Variants in ZIC4 observed in about 807,000 individuals in gnomAD.
The protein encoded by ZIC4 is zinc finger protein ZIC 4.
A neutral mutation model predicts 28.8 loss-of-function variants in ZIC4; 15 were observed. The ratio of observed to expected loss-of-function variants is 0.52; its 90% CI spans 0.35 to 0.80. ZIC4 has a LOEUF of 0.80. Among genes scored for constraint, ZIC4 ranks in the 30% least tolerant of loss-of-function variants. The pLI is 0.01. For synonymous variants in ZIC4, 220 were observed against 198.1 expected, an observed-to-expected ratio of 1.11 and a Z score of -0.93; for missense variants, 512 against 467.1, an observed-to-expected ratio of 1.10 and a Z score of -0.89.
In ZIC4 at chr3:147,391,075, A is replaced by G. The variant is rs2086907065; in HGVS notation, c.860T>C (p.Val287Ala). Residue 287 changes from valine (V) to alanine (A), a missense_variant, in exon 4 of 5, where the codon GTG becomes GCG. Val to Ala is a moderately conservative substitution (Grantham distance 64, BLOSUM62 0). Coordinates refer to ENST00000383075, the MANE Select transcript of ZIC4 (RefSeq NM_032153.6). ...HPSSLRKHMKVHGRSPPPSSG... is the reference protein window; with the variant it reads ...HPSSLRKHMKAHGRSPPPSSG... ...GCTGGGCGGCGGCGAGCGCCCGTGC[A>G]CCTTCATGTGCTTACGCAGCGAGCT... 1.2e-6 allele frequency: 2 copies of G among 1,613,900 alleles called. No individual in the cohort carries two copies. Among genetic ancestry groups the G allele is most frequent in the African/African-American group, 2.7e-5 (2 of 74,952 alleles).
chr3:147,402,657 T>TAA, intron 2 of ZIC4, 71 bp downstream of exon 2: 454 of 1,122,760 alleles, frequency 4.0e-4, no homozygotes, highest in South Asian at 8.7e-4. Context: ...ACTTCCTACT[T>TAA]AAAAAAAAAA....
intron 1 of ZIC4, chr3:147,405,549 G>T: frequency 2.1e-6 from 3 of 1,446,682 alleles, no homozygotes; most frequent in Non-Finnish European, 2.8e-6. Context: ...CTCCTCATTG[G>T]CCCCTAATTT....
chr3:147,391,196 T>G lies in ZIC4; in HGVS notation c.739A>C (p.Asn247His). 1.9e-6 allele frequency: 3 copies of G among 1,607,786 alleles called. No homozygotes were observed. Among genetic ancestry groups the G allele is most frequent in the Non-Finnish European group, 2.6e-6 (3 of 1,175,094 alleles). Reference protein sequence around the residue: ...EFEGCERRFANSSDRKKHSHV... With the variant: ...EFEGCERRFAHSSDRKKHSHV... ...GAATGCTTCTTACGGTCGCTGCTGT[T>G]GGCGAAGCGCCGCTCGCAGCCCTCG... is the stretch of plus-strand genomic sequence containing the variant. Residue 247 changes from asparagine (N) to histidine (H), a missense_variant, in exon 4 of 5, where the codon AAC becomes CAC. Asn to His is a moderately conservative substitution (Grantham distance 68). This residue lies in a region of ZIC4 where 58 missense variants were observed against 93.8 expected (regional missense o/e 0.62). Transcript: ENST00000383075.
At chr3:147,393,884 C>T (rs2086981594) in intron 3 of ZIC4, 1 of 456,686 alleles carries the variant, frequency 2.2e-6, no homozygotes, top group South Asian at 1.5e-5. Context: ...GCTGTGACCG[C>T]CACAAAGTGA....
At chr3:147,404,160 T>G (rs1383537564) in intron 1 of ZIC4, 3 of 1,523,204 alleles carry the variant, frequency 2.0e-6, no homozygotes, top group Non-Finnish European at 2.6e-6. Context: ...AAAGTCCTGG[T>G]TGGTTGGCAA....
At position 147,386,651 on chromosome 3, in the gene ZIC4, C is replaced by T. The variant is rs1444134163; in HGVS notation, c.*2208G>A. 1 of 152,272 alleles carries T rather than the reference C, an allele frequency of 6.6e-6. No homozygotes were observed. Among genetic ancestry groups the T allele is most frequent in the Non-Finnish European group, 1.5e-5 (1 of 68,028 alleles). 9.4% of individuals were successfully genotyped at this position (152,272 alleles called of 1,614,324 possible). On this transcript the variant is annotated 3_prime_UTR_variant, in exon 5 of 5. Transcript: ENST00000383075. ...CACAGGAGTTTTGGGGAAACCTGAA[C>T]TGGGTGAAAGTTTCTTTGCTGGGCA...
chr3:147,392,273 C>T, intron 3 of ZIC4: 1 of 985,840 alleles, frequency 1.0e-6, no homozygotes, highest in South Asian at 4.7e-5. Context: ...CCAGGCCTGG[C>T]TCCGCAGCCC....
At chr3:147,400,637 A>G (rs1292448602) in intron 2 of ZIC4, among the ~76,000 whole-genome samples, 1 of 152,232 alleles carries the variant, frequency 6.6e-6, no homozygotes, top group Admixed American at 6.5e-5. Context: ...ATTTCCCCAG[A>G]GACAGCAATA....
chr3:147,405,573 G>A (rs2087257343), intron 1 of ZIC4: 7 of 1,241,608 alleles, frequency 5.6e-6, no homozygotes, highest in African/African-American at 3.0e-5. Context: ...ATGCCCCTGG[G>A]TCTAGGCTAG....
chr3:147,391,206 C>T lies in ZIC4; in HGVS notation c.729G>A (p.Arg243=). 6.2e-7 allele frequency: 1 copy of T among 1,605,180 alleles called. No homozygotes were observed. Among genetic ancestry groups the T allele is most frequent in the Non-Finnish European group, 8.5e-7 (1 of 1,173,210 alleles). The part of the protein sequence containing the change: ...PFRCEFEGCE[R]RFANSSDRKK... ...TACGGTCGCTGCTGTTGGCGAAGCG[C>T]CGCTCGCAGCCCTCGAACTCGCATC... The change falls in exon 4 of 5, where the codon CGG becomes CGA. Residue 243 remains arginine, a synonymous_variant. Coordinates refer to ENST00000383075, the MANE Select transcript of ZIC4 (RefSeq NM_032153.6).
Position 147,393,644 on chromosome 3 carries a change from T to G in ZIC4, c.688+2208A>C, listed in dbSNP as rs546606801. On this transcript the variant is annotated intron_variant, in intron 3 of 4. Transcript: ENST00000383075. ...TCGGGCTAGCTGGGCCAGCGCCATTTTCTCGCACTTGTGGCTGGATCTGGT... is the reference window on the plus strand; with the variant it reads ...TCGGGCTAGCTGGGCCAGCGCCATTGTCTCGCACTTGTGGCTGGATCTGGT... 1.1e-3 allele frequency: 320 copies of G among 289,264 alleles called. 2 individuals carry two copies. Among genetic ancestry groups the G allele is most frequent in the African/African-American group, 6.6e-3 (288 of 43,844 alleles). The allele number at this position is 289,264 out of a possible 1,614,324, so 17.9% of individuals were successfully genotyped here. A position where few individuals can be genotyped will look rare whatever the true frequency, so the allele number is the denominator to read the frequency against.
chr3:147,394,067 A>G (rs1050987639), intron 3 of ZIC4: 6 of 430,666 alleles, frequency 1.4e-5, no homozygotes, highest in South Asian at 1.0e-4. Context: ...AACTGTCTTC[A>G]TGAATAATTT....
At chr3:147,397,665 G>A (rs1374809121) in intron 2 of ZIC4, among the ~76,000 whole-genome samples, 3 of 152,130 alleles carry the variant, frequency 2.0e-5, no homozygotes, top group Non-Finnish European at 2.9e-5. Context: ...TGGCGGTCTC[G>A]TTGGGCAGTT....
Position 147,396,690 on chromosome 3 carries a change from G to A in ZIC4, c.71-221C>T. 1 of 511,162 alleles carries A rather than the reference G, an allele frequency of 2.0e-6. No homozygotes were observed. 31.7% of individuals were successfully genotyped at this position (511,162 alleles called of 1,614,324 possible). A position where few individuals can be genotyped will look rare whatever the true frequency, so the allele number is the denominator to read the frequency against. Reference sequence around the variant, plus strand: ...TTGCTGTTGGGCCAAGTCCCCCGCCGCGCCATGAGCTAGAGAGGGATGGTA... The same window carrying A: ...TTGCTGTTGGGCCAAGTCCCCCGCCACGCCATGAGCTAGAGAGGGATGGTA... On this transcript the variant is annotated intron_variant, in intron 2 of 4. Transcript: ENST00000383075. This position sits in a 1 kb window ranked among gnomAD's most constrained non-coding sequence, Gnocchi z 4.2.
Position 147,396,630 on chromosome 3 carries a change from G to T in ZIC4, c.71-161C>A. ...GCCAGCAGTGAACCCGGTGGACAGAGCAAGGCCAAACACCTCCGCCGCCAT... is the reference window on the plus strand; with the variant it reads ...GCCAGCAGTGAACCCGGTGGACAGATCAAGGCCAAACACCTCCGCCGCCAT... On this transcript the variant is annotated intron_variant, in intron 2 of 4. Transcript: ENST00000383075. The surrounding 1 kb of genome is among the most constrained non-coding windows in gnomAD (Gnocchi z 4.2). 1 of 929,274 alleles carries T rather than the reference G, an allele frequency of 1.1e-6. No individual in the cohort carries two copies. Among genetic ancestry groups the T allele is most frequent in the Non-Finnish European group, 1.5e-6 (1 of 670,290 alleles). The allele number at this position is 929,274 out of a possible 1,614,324, so 57.6% of individuals were successfully genotyped here.
chr3:147,388,249 C>T lies in ZIC4; in HGVS notation c.*610G>A, dbSNP rs1233144682. ...GCCTTTGAAGCGGCCGCTCCCCGCG[C>T]GTATTTCCATGGCGAGCCTAACGCG... On this transcript the variant is annotated 3_prime_UTR_variant, in exon 5 of 5. Transcript: ENST00000383075. 1 of 152,938 alleles carries T rather than the reference C, an allele frequency of 6.5e-6. No individual in the cohort carries two copies. Among genetic ancestry groups the T allele is most frequent in the Non-Finnish European group, 1.5e-5 (1 of 68,290 alleles). 9.5% of individuals were successfully genotyped at this position (152,938 alleles called of 1,614,324 possible). A position where few individuals can be genotyped will look rare whatever the true frequency, so the allele number is the denominator to read the frequency against.
At chr3:147,400,486 T>C (rs1341552436) in intron 2 of ZIC4, among the ~76,000 whole-genome samples, 3 of 152,184 alleles carry the variant, frequency 2.0e-5, no homozygotes, top group African/African-American at 7.2e-5. Context: ...TTAGGTAGCT[T>C]CTTCTTGCTT....
At chr3:147,389,531 C>A (rs566686874) in intron 4 of ZIC4, among the ~76,000 whole-genome samples, 159 of 152,206 alleles carry the variant, frequency 1.0e-3, no homozygotes, top group Non-Finnish European at 2.0e-3. Flanking sequence ...TCCTTTACTT[C>A]TTCAAGTCTT....
intron 1 of ZIC4, chr3:147,404,315 C>A: frequency 1.5e-6 from 2 of 1,378,926 alleles, no homozygotes; most frequent in Non-Finnish European, 1.9e-6. Context: ...TTGTGCACTA[C>A]AGACCCATAG....
Sources: allele counts gnomAD v4.1 joint callset (sites outside exome capture counted in the v4.1 genomes callset), GRCh38; gene constraint gnomAD v4.1.1; regional missense constraint gnomAD v4.1.1; non-coding constraint Gnocchi (gnomAD v3.1); transcripts MANE v1.5; gene names NCBI Gene and HGNC (gene_info 2026-07-23, HGNC 2026-07-21).